The following DYRK4 variants were observed in gnomAD, a reference collection of about 807,000 sequenced individuals.
DYRK4 encodes dual specificity tyrosine-phosphorylation-regulated kinase 4.
In DYRK4, 64 loss-of-function variants were observed where a neutral mutation model predicts 68.3. The ratio of observed to expected loss-of-function variants is 0.94; its 90% CI spans 0.77 to 1.15. The LOEUF is 1.15. Among genes scored for constraint, DYRK4 ranks in the 50% most tolerant of loss-of-function variants. DYRK4 has a pLI of 0.00. For missense variants in DYRK4, 740 were observed against 764.7 expected (o/e 0.97, Z 0.38); for synonymous variants, 274 against 289.9 (o/e 0.95, Z 0.56).
intron 1 of DYRK4, chr12:4,564,468 A>G (rs775412788): frequency 8.5e-5 from 13 of 152,196 alleles, no homozygotes; most frequent in Non-Finnish European, 1.8e-4. Context: ...AGCTACTGGC[A>G]ATTGCAGTAG....
intron 2 of DYRK4, among the ~76,000 whole-genome samples, chr12:4,579,541 C>T (rs943261006): frequency 1.3e-5 from 2 of 152,086 alleles, no homozygotes; most frequent in Non-Finnish European, 2.9e-5. Flanking sequence ...ATGAATCACT[C>T]CCCCTGGAGT....
In DYRK4 at chr12:4,610,190, A is replaced by G. The variant is rs1565543968; in HGVS notation, c.1396A>G (p.Arg466Gly). 5 of 1,603,512 alleles carry G rather than the reference A, an allele frequency of 3.1e-6. No individual in the cohort carries two copies. The highest frequency in any genetic ancestry group is 1.3e-5 in the African/African-American group (1 of 74,494). ...KGFPKNITNN[R>G]GKKRYPDSKD... ...TTTTCCTAAAAATATAACCAACAACAGGGGGAAAAAAAGATACCCAGATTC... is the reference window on the plus strand; with the variant it reads ...TTTTCCTAAAAATATAACCAACAACGGGGGGAAAAAAAGATACCCAGATTC... The change falls in exon 13 of 15, where the codon AGG (arginine) becomes GGG (glycine). Residue 466 changes from arginine to glycine, a missense_variant. This residue lies in a region of DYRK4 where 614 missense variants were observed against 603.7 expected (regional missense o/e 1.02). Transcript: ENST00000543431.
intron 12 of DYRK4, chr12:4,609,931 A>G (rs936410943): frequency 3.7e-5 from 12 of 325,474 alleles, no homozygotes; most frequent in African/African-American, 2.4e-4. Flanking sequence ...AACATACTGA[A>G]TAGTAGGAAA....
chr12:4,600,314 C>T (rs61909651), intron 10 of DYRK4, among the ~76,000 whole-genome samples: 11,503 of 151,944 alleles, frequency 0.076, 834 homozygotes, highest in African/African-American at 0.19. Flanking sequence ...ATAGAGAACA[C>T]GTACCATTCA....
At chr12:4,608,165 G>A (rs1041818369) in intron 12 of DYRK4, among the ~76,000 whole-genome samples, 1 of 152,180 alleles carries the variant, frequency 6.6e-6, no homozygotes, top group African/African-American at 2.4e-5. Context: ...AGGAAGCTAA[G>A]AGTCCCAGAT....
chr12:4,572,743 G>C (rs1182213926), intron 2 of DYRK4: 1 of 153,596 alleles, frequency 6.5e-6, no homozygotes, highest in African/African-American at 2.4e-5. Context: ...GATTGCAGGG[G>C]TATTAAGGGA....
chr12:4,574,132 G>A (rs923804613), intron 2 of DYRK4, among the ~76,000 whole-genome samples: 1 of 151,604 alleles, frequency 6.6e-6, no homozygotes, highest in Non-Finnish European at 1.5e-5. Context: ...GGCTGAGGCA[G>A]GAGAATTGCT....
At chr12:4,592,964 C>T (rs370138021) in intron 5 of DYRK4, 38 bp from the exon 6 acceptor site, 8 of 1,597,006 alleles carry the variant, frequency 5.0e-6, no homozygotes, top group South Asian at 1.1e-5. Context: ...TCCCATGCTG[C>T]CTCAACTGAA....
At chr12:4,580,815 G>A (rs1944834614) in intron 2 of DYRK4, 1 of 450,980 alleles carries the variant, frequency 2.2e-6, no homozygotes, top group Non-Finnish European at 4.4e-6. Context: ...TTTTTTAAAT[G>A]GGAAACAGGA....
At chr12:4,602,623 C>A in intron 10 of DYRK4, 1 of 1,349,440 alleles carries the variant, frequency 7.4e-7, no homozygotes, top group South Asian at 1.2e-5. Flanking sequence ...TTTCTTGATG[C>A]CACTGACACA....
At chr12:4,601,876 T>TGTGTGTGTG (rs1945084841) in intron 10 of DYRK4, 3 of 156,920 alleles carry the variant, frequency 1.9e-5, no homozygotes, top group Admixed American at 6.5e-5. Flanking sequence ...TCTGTAGGGT[T>TGTGTGTGTG]TGTGTGTGTG....
intron 8 of DYRK4, among the ~76,000 whole-genome samples, chr12:4,597,518 C>G (rs940075276): frequency 6.6e-6 from 1 of 152,208 alleles, no homozygotes; most frequent in Non-Finnish European, 1.5e-5. Flanking sequence ...CTCTGATATG[C>G]AGAGGTAAAT....
rs199942484 is a variant in DYRK4 at position 4,596,319 on chromosome 12, G to T, written c.764+34G>T. The T allele has an allele frequency of 6.9e-5, 111 of 1,613,180 alleles. No individual in the cohort carries two copies. In the African/African-American group the frequency reaches 1.4e-3, roughly 20 times the overall value. ...TGGGGATGACATAGGCCACAGAGGA[G>T]GGACTGCGTGACTGTGGCCCCTGCA... is the stretch of plus-strand genomic sequence containing the variant. On this transcript the variant is annotated intron_variant, in intron 7 of 14. Transcript: ENST00000543431.
chr12:4,564,973 C>G (rs926956791), intron 1 of DYRK4, among the ~76,000 whole-genome samples: 1 of 152,040 alleles, frequency 6.6e-6, no homozygotes, highest in South Asian at 2.1e-4. Flanking sequence ...ATTGAACGCT[C>G]GAGGAAAGAG....
At chr12:4,575,086 G>A (rs1271088124) in intron 2 of DYRK4, among the ~76,000 whole-genome samples, 1 of 152,158 alleles carries the variant, frequency 6.6e-6, no homozygotes, top group Non-Finnish European at 1.5e-5. Context: ...TGTCTGTATA[G>A]GCATTTCTAA....
chr12:4,565,746 C>G (rs1591781438), intron 1 of DYRK4, among the ~76,000 whole-genome samples: 2 of 152,098 alleles, frequency 1.3e-5, no homozygotes, highest in African/African-American at 2.4e-5. Flanking sequence ...CTGCCTCATC[C>G]TCCCGAGTAG....
At chr12:4,583,358 C>T (rs1485284371) in intron 2 of DYRK4, among the ~76,000 whole-genome samples, 1 of 151,934 alleles carries the variant, frequency 6.6e-6, no homozygotes, top group Non-Finnish European at 1.5e-5. Flanking sequence ...CTCCCATCAC[C>T]CACCCCAACG....
chr12:4,593,229 A>G, intron 6 of DYRK4, 64 bp downstream of exon 6: 2 of 1,563,546 alleles, frequency 1.3e-6, no homozygotes, highest in Non-Finnish European at 1.7e-6. Context: ...TCTAGAAAGG[A>G]AAAAAGCAAC....
At chr12:4,570,778 T>G (rs1428688692) in intron 2 of DYRK4, among the ~76,000 whole-genome samples, 1 of 152,242 alleles carries the variant, frequency 6.6e-6, no homozygotes, top group Non-Finnish European at 1.5e-5. Context: ...TGGTAACATT[T>G]CAGCCAAGGG....
Sources: allele counts gnomAD v4.1 joint callset (sites outside exome capture counted in the v4.1 genomes callset), GRCh38; gene constraint gnomAD v4.1.1; regional missense constraint gnomAD v4.1.1; transcripts MANE v1.5; gene names NCBI Gene and HGNC (gene_info 2026-07-23, HGNC 2026-07-21).